Variants in ARMC1 observed in about 807,000 individuals in gnomAD.
ARMC1 encodes the protein armadillo repeat-containing protein 1.
In ARMC1, 16 loss-of-function variants were observed where a neutral mutation model predicts 31.4. The ratio of observed to expected loss-of-function variants is 0.51; its 90% CI spans 0.34 to 0.77. The LOEUF (loss-of-function observed/expected upper bound fraction) is 0.77, where lower values mean the gene tolerates loss of function less well. ARMC1 is among the 30% of genes least tolerant of loss of function. The pLI, the probability that ARMC1 is intolerant of heterozygous loss-of-function variation, is 0.01. For synonymous variants in ARMC1, 114 were observed against 118.9 expected, an observed-to-expected ratio of 0.96 and a Z score of 0.27; for missense variants, 259 against 347.5, an observed-to-expected ratio of 0.75 and a Z score of 2.02.
At chr8:65,627,743 C>A (rs777998755) in intron 1 of ARMC1, among the ~76,000 whole-genome samples, 20 of 152,188 alleles carry the variant, frequency 1.3e-4, no homozygotes, top group Non-Finnish European at 2.5e-4. Flanking sequence ...GTAAGCTTTG[C>A]TATACTTCTA....
In ARMC1 at chr8:65,603,556, C is replaced by T. The variant is rs946108861; in HGVS notation, c.*838G>A. 1.3e-5 allele frequency: 2 copies of T among 151,992 alleles called. No homozygotes were observed. The highest frequency in any genetic ancestry group is 6.6e-5 in the Admixed American group (1 of 15,256). 9.4% of individuals were successfully genotyped at this position (151,992 alleles called of 1,614,324 possible). ...ATTATTTTTTTCTAGCCGGAGATAACGTATAATCACAAAGTAAGGCCTAGA... is the reference window on the plus strand; with the variant it reads ...ATTATTTTTTTCTAGCCGGAGATAATGTATAATCACAAAGTAAGGCCTAGA... On this transcript the variant is annotated 3_prime_UTR_variant, in exon 7 of 7. Transcript: ENST00000276569.
At chr8:65,617,957 C>G (rs1585711916) in intron 3 of ARMC1, among the ~76,000 whole-genome samples, 1 of 152,086 alleles carries the variant, frequency 6.6e-6, no homozygotes, top group East Asian at 2.0e-4. Context: ...ACTCTGTCAC[C>G]CAGGCTGGAG....
intron 3 of ARMC1, among the ~76,000 whole-genome samples, chr8:65,620,344 C>T (rs1487112271): frequency 7.3e-6 from 1 of 136,142 alleles, no homozygotes; most frequent in Non-Finnish European, 1.5e-5. Context: ...TTCTGTCGCC[C>T]AGGCTAGAGT....
At chr8:65,629,756 A>ACG (rs1808596867) in intron 1 of ARMC1, among the ~76,000 whole-genome samples, 4 of 140,178 alleles carry the variant, frequency 2.9e-5, no homozygotes, top group Non-Finnish European at 4.6e-5. Flanking sequence ...CCGAGATTGT[A>ACG]CCACTGCACT....
In ARMC1 at chr8:65,604,423, T is replaced by C; in HGVS notation, c.820A>G (p.Asn274Asp). 6.2e-7 allele frequency: 1 copy of C among 1,614,126 alleles called. No homozygotes were observed. The highest frequency in any genetic ancestry group is 8.5e-7 in the Non-Finnish European group (1 of 1,180,006). Residue 274 changes from asparagine (N) to aspartate (D), a missense_variant, in exon 7 of 7, where the codon AAC (asparagine) becomes GAC (aspartate). By Grantham distance (23) the Asn-to-Asp change is conservative. This residue lies in a region of ARMC1 where 73 missense variants were observed against 100.0 expected (regional missense o/e 0.73). Transcript: ENST00000276569. The part of the protein sequence containing the change: ...GGASWLSTAA[N>D]FLSRSFYW Reference sequence around the variant, plus strand: ...CAATAAAATGATCTGGATAAAAAGTTTGCAGCTGTGCTAAGCCAGCTAGCT... The same window carrying C: ...CAATAAAATGATCTGGATAAAAAGTCTGCAGCTGTGCTAAGCCAGCTAGCT...
rs1807932309 is a variant in ARMC1 at position 65,603,276 on chromosome 8, A to T, written c.*1118T>A. 6.6e-6 allele frequency: 1 copy of T among 152,158 alleles called. No homozygotes were observed. The highest frequency in any genetic ancestry group is 1.5e-5 in the Non-Finnish European group (1 of 68,020). The allele number at this position is 152,158 out of a possible 1,614,324, so 9.4% of individuals were successfully genotyped here. A position where few individuals can be genotyped will look rare whatever the true frequency, so the allele number is the denominator to read the frequency against. On this transcript the variant is annotated 3_prime_UTR_variant, in exon 7 of 7. Coordinates refer to ENST00000276569, the MANE Select transcript of ARMC1 (RefSeq NM_018120.6). ...CACTGAAGTTCTTTTTTCTGGCTGG[A>T]CATGAGAAACAGGATTAAGTGATCA...
intron 3 of ARMC1, 77 bp downstream of exon 3, chr8:65,622,186 G>C: frequency 2.5e-6 from 3 of 1,182,068 alleles, no homozygotes; most frequent in Non-Finnish European, 3.7e-6. Flanking sequence ...ACCCAGCATG[G>C]GCAACATAGT....
chr8:65,627,332 C>G lies in ARMC1; in HGVS notation c.67G>C (p.Asp23His). 6.2e-7 allele frequency: 1 copy of G among 1,613,338 alleles called. No individual in the cohort carries two copies. The highest frequency in any genetic ancestry group is 1.1e-5 in the South Asian group (1 of 90,994). The change falls in exon 2 of 7, where the codon GAT (aspartate) becomes CAT (histidine). Residue 23 changes from aspartate (D) to histidine (H), a missense_variant. By Grantham distance (81) the Asp-to-His change is moderately conservative (BLOSUM62 -1). Coordinates refer to ENST00000276569, the MANE Select transcript of ARMC1 (RefSeq NM_018120.6). ...CTGTTTAACGGATCTGCTGCTAGAT[C>G]CCGTAACTGGTTAACTACCGATAGA... ...DALSVVNQLR[D>H]LAADPLNRRA...
At chr8:65,627,192 T>C (rs776129306) in intron 2 of ARMC1, 24 bp downstream of exon 2, 2 of 1,523,572 alleles carry the variant, frequency 1.3e-6, no homozygotes, top group South Asian at 1.3e-5. Flanking sequence ...AGAACAGAGA[T>C]TGAAATTACT....
At chr8:65,621,325 T>C (rs537280925) in intron 3 of ARMC1, among the ~76,000 whole-genome samples, 1 of 152,304 alleles carries the variant, frequency 6.6e-6, no homozygotes, top group South Asian at 2.1e-4. Flanking sequence ...TTCATATTCA[T>C]ATTAACAATG....
rs572810100 is a variant in ARMC1, at chr8:65,631,381, C to T, written c.-36+2617G>A. Among the ~76,000 whole-genome samples, 21 of 152,286 alleles carry T rather than the reference C, an allele frequency of 1.4e-4. 1 individual carries two copies. The East Asian group carries it at 4.1e-3, about 29-fold the overall frequency. On this transcript the variant is annotated intron_variant, in intron 1 of 6. Transcript: ENST00000276569. ...TCCCAAGTAGCTGGGACTACAGGTG[C>T]CTGCCACCATGCCCGGCTAATTTTT...
intron 3 of ARMC1, 45 bp downstream of exon 3, chr8:65,622,218 A>G (rs1377536625): frequency 2.0e-6 from 3 of 1,468,074 alleles, no homozygotes; most frequent in African/African-American, 1.4e-5. Context: ...AGTAAGTAAT[A>G]TAAGTAAGTA....
At chr8:65,609,214 T>C (rs1179001801) in intron 4 of ARMC1, among the ~76,000 whole-genome samples, 2 of 151,278 alleles carry the variant, frequency 1.3e-5, no homozygotes, top group Non-Finnish European at 2.9e-5. Context: ...GCAATCTTCC[T>C]GCCTTAGCCT....
At chr8:65,628,403 T>C (rs1426434812) in intron 1 of ARMC1, among the ~76,000 whole-genome samples, 3 of 140,556 alleles carry the variant, frequency 2.1e-5, no homozygotes, top group Admixed American at 7.3e-5. Context: ...TTTTTTTTTT[T>C]TTTTTTTTTT....
intron 3 of ARMC1, among the ~76,000 whole-genome samples, chr8:65,614,814 T>G (rs1346321176): frequency 6.6e-6 from 1 of 152,204 alleles, no homozygotes; most frequent in Non-Finnish European, 1.5e-5. Flanking sequence ...CTGCAGGCTT[T>G]CCAACTCTTA....
At chr8:65,617,332 G>A (rs1269119557) in intron 3 of ARMC1, among the ~76,000 whole-genome samples, 1 of 152,300 alleles carries the variant, frequency 6.6e-6, no homozygotes, top group South Asian at 2.1e-4. Flanking sequence ...CCAACCTGGT[G>A]CTCTCTGAAA....
intron 3 of ARMC1, among the ~76,000 whole-genome samples, chr8:65,620,426 T>G (rs1585714224): frequency 6.6e-6 from 1 of 151,156 alleles, no homozygotes; most frequent in Non-Finnish European, 1.5e-5. Flanking sequence ...TTCAGCCTCC[T>G]GAGTAGCTGG....
At position 65,632,485 on chromosome 8, in the gene ARMC1, C is replaced by G. The variant is rs562425787; in HGVS notation, c.-36+1513G>C. ...AATATTAGCCAGGCGTGGTGGGGGG[C>G]ACCTGTAGTCCCAGCTACTCGGGAG... On this transcript the variant is annotated intron_variant, in intron 1 of 6. Coordinates refer to ENST00000276569, the MANE Select transcript of ARMC1 (RefSeq NM_018120.6). 1.3e-4 allele frequency among the ~76,000 whole-genome samples: 20 copies of G among 152,182 alleles called. No homozygotes were observed. The East Asian group carries it at 3.7e-3, about 28-fold the overall frequency.
chr8:65,606,134 G>A (rs1169369442), intron 4 of ARMC1, among the ~76,000 whole-genome samples: 1 of 151,986 alleles, frequency 6.6e-6, no homozygotes, highest in Non-Finnish European at 1.5e-5. Context: ...AGGCTGAGGC[G>A]GGTAGATCAT....
Sources: gnomAD v4.1 joint callset for allele counts (sites outside exome capture counted in the v4.1 genomes callset) on GRCh38, gnomAD v4.1.1 for gene constraint, gnomAD v4.1.1 regional missense constraint, MANE v1.5 for transcripts, NCBI Gene and HGNC (gene_info 2026-07-23, HGNC 2026-07-21) for gene names.